Variants in NDUFS4 observed in about 807,000 individuals in gnomAD.
NDUFS4 encodes the protein NADH:ubiquinone oxidoreductase subunit S4.
In NDUFS4, 28 loss-of-function variants were observed where a neutral mutation model predicts 24.3. That is an observed-to-expected ratio of 1.15 (90% CI 0.85 to 1.58). NDUFS4 has a LOEUF of 1.58. NDUFS4 is among the 40% of genes most tolerant of loss of function. The pLI, the probability that NDUFS4 is intolerant of heterozygous loss-of-function variation, is 0.00. For synonymous variants in NDUFS4, 93 were observed against 69.7 expected (o/e 1.34, Z -1.67); for missense variants, 223 against 207.9 (o/e 1.07, Z -0.45).
chr5:53,656,770 T>G (rs77062694), intron 3 of NDUFS4, among the ~76,000 whole-genome samples: 1 of 152,130 alleles, frequency 6.6e-6, no homozygotes, highest in Non-Finnish European at 1.5e-5. Flanking sequence ...AGTTTGGGAT[T>G]TGAACTTTAG....
rs143942528 is a variant in NDUFS4, at chr5:53,670,130, C to T, written c.424+11506C>T. Among the ~76,000 whole-genome samples the T allele has an allele frequency of 5.8e-4, 88 of 152,080 alleles. 1 individual carries two copies. In the East Asian group the frequency reaches 0.013, roughly 23 times the overall value. ...TTATTTCATAATGTTTGAATTGCTT[C>T]CAAACTGCATGTTATTTATTCTAAA... On this transcript the variant is annotated intron_variant, in intron 4 of 4. Transcript: ENST00000296684.
intron 2 of NDUFS4, among the ~76,000 whole-genome samples, chr5:53,634,747 T>C (rs1579902022): frequency 6.6e-6 from 1 of 152,148 alleles, no homozygotes; most frequent in Non-Finnish European, 1.5e-5. Flanking sequence ...TGCCACCTTA[T>C]CTGGTTTAGA....
intron 4 of NDUFS4, among the ~76,000 whole-genome samples, chr5:53,669,916 C>G (rs1004205286): frequency 6.6e-6 from 1 of 151,958 alleles, no homozygotes; most frequent in Admixed American, 6.6e-5. Context: ...TTTAGAAGAA[C>G]TGTTGATCTG....
intron 1 of NDUFS4, among the ~76,000 whole-genome samples, chr5:53,594,651 TTTATC>T (rs1465326283): frequency 2.0e-5 from 3 of 152,140 alleles, no homozygotes; most frequent in Admixed American, 6.5e-5. Context: ...AGATTAGTCT[TTTATC>T]TACTATATGT....
intron 4 of NDUFS4, 58 bp downstream of exon 4, chr5:53,658,682 A>AT (rs1175590746): frequency 7.1e-7 from 1 of 1,416,526 alleles, no homozygotes; most frequent in Non-Finnish European, 1.0e-6. Flanking sequence ...CTTAACCTTA[A>AT]TTAAAACCAA....
intron 4 of NDUFS4, among the ~76,000 whole-genome samples, chr5:53,677,510 C>G (rs945922661): frequency 2.0e-5 from 3 of 152,050 alleles, no homozygotes; most frequent in African/African-American, 7.2e-5. Flanking sequence ...CCATTTACCC[C>G]CTACTGTACC....
chr5:53,616,217 A>AT (rs530798997), intron 2 of NDUFS4, among the ~76,000 whole-genome samples: 39,450 of 147,666 alleles, frequency 0.27, 5,756 homozygotes, highest in Admixed American at 0.37. Context: ...CATTCATTCA[A>AT]TTTTTTTTTT....
chr5:53,587,123 C>A (rs72751831), intron 1 of NDUFS4, among the ~76,000 whole-genome samples: 3 of 151,786 alleles, frequency 2.0e-5, no homozygotes, highest in African/African-American at 7.3e-5. Flanking sequence ...TGCACCCGGC[C>A]GAGTTATATA....
intron 1 of NDUFS4, among the ~76,000 whole-genome samples, chr5:53,602,704 A>T (rs1029857944): frequency 3.3e-5 from 5 of 152,198 alleles, no homozygotes; most frequent in Admixed American, 2.6e-4. Flanking sequence ...TTGCAATAGA[A>T]ATCTATGTCA....
At chr5:53,656,063 T>C (rs918510230) in intron 3 of NDUFS4, among the ~76,000 whole-genome samples, 1 of 152,088 alleles carries the variant, frequency 6.6e-6, no homozygotes, top group African/African-American at 2.4e-5. Context: ...CCAGGCTCCT[T>C]GCACTGAGAT....
intron 2 of NDUFS4, among the ~76,000 whole-genome samples, chr5:53,629,715 T>C (rs1178383915): frequency 6.6e-6 from 1 of 152,192 alleles, no homozygotes; most frequent in Admixed American, 6.5e-5. Flanking sequence ...TCCTTTTTTT[T>C]TCTTTCCATT....
At position 53,560,653 on chromosome 5, in the gene NDUFS4, C is replaced by T; in HGVS notation, c.-10C>T. 1.9e-6 allele frequency: 3 copies of T among 1,614,240 alleles called. No homozygotes were observed. The highest frequency in any genetic ancestry group is 1.7e-6 in the Non-Finnish European group (2 of 1,180,046). On this transcript the variant is annotated 5_prime_UTR_variant, in exon 1 of 5. Coordinates refer to ENST00000296684, the MANE Select transcript of NDUFS4 (RefSeq NM_002495.4). ...TCCGTCCTTTCATCCTGGCGTTTGC[C>T]TGCAGCAAGATGGCGGCGGTGTCAA...
intron 1 of NDUFS4, among the ~76,000 whole-genome samples, chr5:53,597,504 C>T (rs1750166233): frequency 6.6e-6 from 1 of 152,212 alleles, no homozygotes; most frequent in Admixed American, 6.5e-5. Flanking sequence ...TAGGTAGTTT[C>T]AAAAGGGACA....
chr5:53,662,422 C>T (rs62371576), intron 4 of NDUFS4, among the ~76,000 whole-genome samples: 3 of 152,174 alleles, frequency 2.0e-5, no homozygotes, highest in African/African-American at 7.2e-5. Context: ...ATTTTTGCAT[C>T]GATGTTCATC....
At chr5:53,564,522 G>A (rs1310059615) in intron 1 of NDUFS4, among the ~76,000 whole-genome samples, 5 of 152,052 alleles carry the variant, frequency 3.3e-5, no homozygotes, top group Non-Finnish European at 7.4e-5. Flanking sequence ...AGACATCTTC[G>A]TTGAATTTTT....
At chr5:53,654,286 T>C (rs1049222519) in intron 3 of NDUFS4, among the ~76,000 whole-genome samples, 1 of 152,146 alleles carries the variant, frequency 6.6e-6, no homozygotes, top group African/African-American at 2.4e-5. Context: ...GATCCAATTA[T>C]ATGTTTTATA....
intron 2 of NDUFS4, among the ~76,000 whole-genome samples, chr5:53,631,631 G>A (rs1405276894): frequency 6.6e-6 from 1 of 152,164 alleles, no homozygotes; most frequent in Non-Finnish European, 1.5e-5. Flanking sequence ...GAGCTGTGAT[G>A]GGATCCTCCC....
intron 4 of NDUFS4, among the ~76,000 whole-genome samples, chr5:53,669,346 T>C (rs1346234409): frequency 1.3e-5 from 2 of 152,194 alleles, no homozygotes; most frequent in Non-Finnish European, 2.9e-5. Flanking sequence ...GTTCCAACTC[T>C]TACTTTCTGC....
intron 4 of NDUFS4, among the ~76,000 whole-genome samples, chr5:53,673,304 A>G (rs1740342020): frequency 6.6e-6 from 1 of 152,140 alleles, no homozygotes; most frequent in African/African-American, 2.4e-5. Flanking sequence ...CTCTCTTTTC[A>G]CAAAATGAAA....
Sources: allele counts gnomAD v4.1 joint callset (sites outside exome capture counted in the v4.1 genomes callset), GRCh38; gene constraint gnomAD v4.1.1; transcripts MANE v1.5; gene names NCBI Gene and HGNC (gene_info 2026-07-23, HGNC 2026-07-21).